The following RASL10A variants were observed in gnomAD, a reference collection of about 807,000 sequenced individuals.
The protein encoded by RASL10A is ras-like protein family member 10A.
Under a neutral mutation model 17.3 loss-of-function variants are expected in RASL10A, and 13 were observed. The ratio of observed to expected loss-of-function variants is 0.75; its 90% CI spans 0.49 to 1.20. RASL10A has a LOEUF of 1.20. Ranked by LOEUF, RASL10A falls within the 50% of genes most tolerant of loss-of-function variation. The pLI is 0.00. For missense variants in RASL10A, 307 were observed against 310.3 expected, an observed-to-expected ratio of 0.99 and a Z score of 0.08; for synonymous variants, 159 against 142.2, an observed-to-expected ratio of 1.12 and a Z score of -0.84.
chr22:29,317,137 CT>C (rs1160171512), upstream of RASL10A: 1 of 152,294 alleles, frequency 6.6e-6, no homozygotes, highest in African/African-American at 2.4e-5. Context: ...TGTTCCAGGT[CT>C]TCTAGCTCAG....
In RASL10A at chr22:29,313,038, A is replaced by G; in HGVS notation, c.*263T>C. ...GTGTTTCCAGTCAAGTTCATAGCCA[A>G]GTCCTTTCCATCCAATGGGATTGTG... On this transcript the variant is annotated 3_prime_UTR_variant, in exon 3 of 3. Coordinates refer to ENST00000216101, the MANE Select transcript of RASL10A (RefSeq NM_006477.5). 2.3e-6 allele frequency: 1 copy of G among 426,518 alleles called. No individual in the cohort carries two copies. The highest frequency in any genetic ancestry group is 4.1e-6 in the Non-Finnish European group (1 of 244,974). The allele number at this position is 426,518 out of a possible 1,614,324, so 26.4% of individuals were successfully genotyped here. A position where few individuals can be genotyped will look rare whatever the true frequency, so the allele number is the denominator to read the frequency against.
rs1407344802 is a variant in RASL10A, at chr22:29,315,153, G to C, written c.94C>G (p.Arg32Gly). 1.3e-6 allele frequency: 2 copies of C among 1,535,908 alleles called. No individual in the cohort carries two copies. Among genetic ancestry groups the C allele is most frequent in the African/African-American group, 2.8e-5 (2 of 70,778 alleles). Residue 32 changes from arginine (R) to glycine (G), a missense_variant, in exon 1 of 3, where the codon CGC becomes GGC. Arg to Gly is a moderately radical substitution (Grantham distance 125). Coordinates refer to ENST00000216101, the MANE Select transcript of RASL10A (RefSeq NM_006477.5). This position sits in a 1 kb window ranked among gnomAD's most constrained non-coding sequence, Gnocchi z 5.5. The stretch of plus-strand genomic sequence containing the variant: ...CGCGGCCCGTCCGTGGGCCGGTGGC[G>C]CTCGGGGTAGTCACCGAACAGGAAC... ...RQFLFGDYPE[R>G]HRPTDGPRLY...
In RASL10A at chr22:29,314,866, G is replaced by A. The variant is rs376477554; in HGVS notation, c.219+162C>T. On this transcript the variant is annotated intron_variant, in intron 1 of 2. Transcript: ENST00000216101. ...GCCTGGGCTTGGGCGTCTCCAGGTC[G>A]GCGGGAAGGGCTGAAACGCAAGTAT... Among the ~76,000 whole-genome samples, 8 of 152,344 alleles carry A rather than the reference G, an allele frequency of 5.3e-5. No homozygotes were observed. In the East Asian group the frequency reaches 9.7e-4, roughly 18 times the overall value.
At chr22:29,318,351 G>T (rs1231530103), upstream of RASL10A, among the ~76,000 whole-genome samples, 1 of 152,236 alleles carries the variant, frequency 6.6e-6, no homozygotes, top group Non-Finnish European at 1.5e-5. Context: ...TGCCTAGCAG[G>T]AAAATGGCAG....
upstream of RASL10A, among the ~76,000 whole-genome samples, chr22:29,316,148 T>C (rs2061453081): frequency 6.6e-6 from 1 of 152,196 alleles, no homozygotes; most frequent in Non-Finnish European, 1.5e-5. Flanking sequence ...GCCCATTACC[T>C]ACGTGATTCT....
At chr22:29,314,257 G>C in intron 1 of RASL10A, 2 of 377,098 alleles carry the variant, frequency 5.3e-6, no homozygotes, top group South Asian at 3.9e-5. Flanking sequence ...CCCCAACTCG[G>C]CTCAGGCCGC....
At position 29,312,970 on chromosome 22, in the gene RASL10A, T is replaced by C. The variant is rs1039537249; in HGVS notation, c.*331A>G. On this transcript the variant is annotated 3_prime_UTR_variant, in exon 3 of 3. Coordinates refer to ENST00000216101, the MANE Select transcript of RASL10A (RefSeq NM_006477.5). ...CCCTTTTATTATCCCGTGGTAGGTG[T>C]GGCATAAAGAATATGTCCAGTGAAG... 6 of 351,264 alleles carry C rather than the reference T, an allele frequency of 1.7e-5. No homozygotes were observed. The highest frequency in any genetic ancestry group is 3.1e-5 in the Non-Finnish European group (6 of 196,456). The allele number at this position is 351,264 out of a possible 1,614,324, so 21.8% of individuals were successfully genotyped here.
rs773545419 is a variant in RASL10A, at chr22:29,315,157, G to A, written c.90C>T (p.Pro30=). 1.4e-5 allele frequency: 22 copies of A among 1,537,804 alleles called. No homozygotes were observed. In the African/African-American group the frequency reaches 3.0e-4, roughly 21 times the overall value. Residue 30 remains proline, a synonymous_variant, in exon 1 of 3, where the codon CCC becomes CCT. Transcript: ENST00000216101. This position sits in a 1 kb window ranked among gnomAD's most constrained non-coding sequence, Gnocchi z 5.5. The stretch of plus-strand genomic sequence containing the variant: ...GCCCGTCCGTGGGCCGGTGGCGCTC[G>A]GGGTAGTCACCGAACAGGAACTGGC... ...IIRQFLFGDY[P]ERHRPTDGPR...
upstream of RASL10A, among the ~76,000 whole-genome samples, chr22:29,318,588 T>A (rs892401677): frequency 6.6e-6 from 1 of 152,146 alleles, no homozygotes; most frequent in African/African-American, 2.4e-5. Context: ...GTGCCAGGCT[T>A]CCTAAAGACC....
upstream of RASL10A, among the ~76,000 whole-genome samples, chr22:29,318,783 C>A (rs900545657): frequency 6.6e-6 from 1 of 152,232 alleles, no homozygotes; most frequent in Non-Finnish European, 1.5e-5. Flanking sequence ...GCTCCAGGGA[C>A]CACCTGCCAA....
chr22:29,313,854 G>T lies in RASL10A; in HGVS notation c.344+9C>A, dbSNP rs771555419. ...TAGCTCCCCACCGCCAGAACTGCCG[G>T]GCCCCTACCTGGTCTCCGCGATGCG... On this transcript the variant is annotated intron_variant, in intron 2 of 2. Transcript: ENST00000216101. 1.2e-6 allele frequency: 2 copies of T among 1,612,876 alleles called. No individual in the cohort carries two copies. Among genetic ancestry groups the T allele is most frequent in the South Asian group, 2.2e-5 (2 of 91,076 alleles).
At chr22:29,317,184 C>T (rs143817434), upstream of RASL10A, 292 of 152,402 alleles carry the variant, frequency 1.9e-3, 3 homozygotes, top group Middle Eastern at 0.01. Context: ...TTCTTTCCTA[C>T]CATGATTTTT....
intron 2 of RASL10A, 110 bp from the exon 3 acceptor site, chr22:29,313,678 C>A (rs1184451798): frequency 7.1e-7 from 1 of 1,414,842 alleles, no homozygotes; most frequent in Non-Finnish European, 9.3e-7. Context: ...GACACCGCCC[C>A]CCCCGCCGCC....
upstream of RASL10A, among the ~76,000 whole-genome samples, chr22:29,317,872 G>A (rs1216329970): frequency 2.0e-5 from 3 of 152,056 alleles, no homozygotes; most frequent in South Asian, 4.2e-4. Context: ...TTTTAGTAGA[G>A]ACGGGGTTTC....
chr22:29,318,899 A>G (rs893118034), upstream of RASL10A, among the ~76,000 whole-genome samples: 1 of 152,220 alleles, frequency 6.6e-6, no homozygotes, highest in African/African-American at 2.4e-5. Context: ...ACAGACATGC[A>G]GCTAGGCAGG....
At chr22:29,316,551 T>C (rs1181177177), upstream of RASL10A, among the ~76,000 whole-genome samples, 1 of 151,658 alleles carries the variant, frequency 6.6e-6, no homozygotes, top group African/African-American at 2.4e-5. Flanking sequence ...GAGCCCAAGT[T>C]CCCCCTCCCT....
chr22:29,314,368 C>G (rs1183315463), intron 1 of RASL10A: 1 of 206,846 alleles, frequency 4.8e-6, no homozygotes, highest in Non-Finnish European at 9.8e-6. Flanking sequence ...AGATTGTCAG[C>G]TGTAACCGTT....
upstream of RASL10A, among the ~76,000 whole-genome samples, chr22:29,318,390 C>G (rs2061462786): frequency 6.6e-6 from 1 of 152,224 alleles, no homozygotes. Context: ...GGCCCTTGGG[C>G]TCCAGAGCCT....
At chr22:29,314,285 C>T (rs2061439656) in intron 1 of RASL10A, 1 of 362,216 alleles carries the variant, frequency 2.8e-6, no homozygotes, top group Admixed American at 4.2e-5. Context: ...CCTAGATGCT[C>T]TCGGTGCTTA....
Sources: allele counts gnomAD v4.1 joint callset (sites outside exome capture counted in the v4.1 genomes callset), GRCh38; gene constraint gnomAD v4.1.1; non-coding constraint Gnocchi (gnomAD v3.1); transcripts MANE v1.5; gene names NCBI Gene and HGNC (gene_info 2026-07-23, HGNC 2026-07-21).